ADARB2: variants seen among roughly 807,000 people sequenced by gnomAD.
The protein encoded by ADARB2 is adenosine deaminase RNA specific B2 (inactive).
ADARB2 carries 25 observed loss-of-function variants against 62.2 expected under a neutral mutation model. The observed-to-expected ratio is 0.40, with a 90% CI of 0.29 to 0.56. The LOEUF is 0.56. ADARB2 is among the 20% of genes least tolerant of loss of function. The pLI is 0.43. For synonymous variants in ADARB2, 572 were observed against 500.8 expected, an observed-to-expected ratio of 1.14 and a Z score of -1.90; for missense variants, 1,071 against 1,077.4, an observed-to-expected ratio of 0.99 and a Z score of 0.08.
intron 1 of ADARB2, among the ~76,000 whole-genome samples, chr10:1,460,008 G>GTGTAA (rs1491341697): frequency 2.1e-5 from 2 of 93,948 alleles, no homozygotes; most frequent in African/African-American, 3.6e-5. Flanking sequence ...GAGTTTACCT[G>GTGTAA]CGTAACAAAC....
chr10:1,429,724 A>C (rs994283819), intron 1 of ADARB2, among the ~76,000 whole-genome samples: 4 of 152,234 alleles, frequency 2.6e-5, no homozygotes, highest in Non-Finnish European at 5.9e-5. Flanking sequence ...ATACTTATTA[A>C]GACAGTCACT....
intron 3 of ADARB2, among the ~76,000 whole-genome samples, chr10:1,319,771 T>G (rs954668967): frequency 6.6e-6 from 1 of 152,242 alleles, no homozygotes; most frequent in Non-Finnish European, 1.5e-5. Flanking sequence ...TCCTGGAACA[T>G]GACTTCTGGG....
chr10:1,326,951 A>C (rs71494950), intron 3 of ADARB2, among the ~76,000 whole-genome samples: 499 of 16,532 alleles, frequency 0.03, 14 homozygotes, highest in African/African-American at 0.05. Context: ...TCCCCACGGC[A>C]CAGCGCCTCC....
At chr10:1,333,228 T>A (rs893961266) in intron 3 of ADARB2, among the ~76,000 whole-genome samples, 2 of 152,370 alleles carry the variant, frequency 1.3e-5, no homozygotes, top group South Asian at 2.1e-4. Context: ...ATTGCTTAGT[T>A]TGGAGTCATC....
chr10:1,228,837 C>T (rs1477400492), intron 6 of ADARB2, among the ~76,000 whole-genome samples: 1 of 152,232 alleles, frequency 6.6e-6, no homozygotes, highest in African/African-American at 2.4e-5. Flanking sequence ...GGCTACCAGG[C>T]CGTCCATGCC....
chr10:1,657,947 CTG>C, intron 1 of ADARB2, among the ~76,000 whole-genome samples: 1 of 80,144 alleles, frequency 1.2e-5, no homozygotes, highest in Middle Eastern at 5.4e-3. Flanking sequence ...ATCTGATTCT[CTG>C]TCTGTGTCTG....
At chr10:1,518,690 A>G (rs879455114) in intron 1 of ADARB2, among the ~76,000 whole-genome samples, 81 of 151,318 alleles carry the variant, frequency 5.4e-4, no homozygotes, top group Non-Finnish European at 7.4e-4. Context: ...GTCTGTACAC[A>G]AAGTGGTCAT....
chr10:1,615,525 C>T (rs1833620706), intron 1 of ADARB2, among the ~76,000 whole-genome samples: 1 of 152,234 alleles, frequency 6.6e-6, no homozygotes, highest in South Asian at 2.1e-4. Flanking sequence ...GTGTGTCTTA[C>T]ACCAAGTCCG....
chr10:1,513,884 TA>T (rs1831970868), intron 1 of ADARB2, among the ~76,000 whole-genome samples: 1 of 152,192 alleles, frequency 6.6e-6, no homozygotes, highest in Non-Finnish European at 1.5e-5. Context: ...CTGTTCTATC[TA>T]AAACACTTAA....
chr10:1,508,636 G>A (rs1272941995), intron 1 of ADARB2, among the ~76,000 whole-genome samples: 4 of 152,168 alleles, frequency 2.6e-5, no homozygotes, highest in Admixed American at 2.0e-4. Flanking sequence ...AAAATTAGCC[G>A]GATGTGGTGG....
intron 1 of ADARB2, among the ~76,000 whole-genome samples, chr10:1,648,823 G>T (rs558177778): frequency 2.1e-4 from 32 of 152,238 alleles, no homozygotes; most frequent in South Asian, 4.2e-4. Context: ...ATCTTCCATG[G>T]GGTAGGCCAT....
intron 1 of ADARB2, among the ~76,000 whole-genome samples, chr10:1,417,490 G>A (rs34041450): frequency 0.17 from 25,709 of 152,146 alleles, 3,249 homozygotes; most frequent in East Asian, 0.62. Context: ...GAAGGGTTGT[G>A]GAAGGATGGA....
chr10:1,447,520 T>C (rs1377880519), intron 1 of ADARB2, among the ~76,000 whole-genome samples: 1 of 152,132 alleles, frequency 6.6e-6, no homozygotes, highest in Non-Finnish European at 1.5e-5. Flanking sequence ...AGCTTCTGCA[T>C]TTTTGAGTGA....
chr10:1,691,670 C>G (rs1370671919), intron 1 of ADARB2, among the ~76,000 whole-genome samples: 1 of 152,188 alleles, frequency 6.6e-6, no homozygotes, highest in Non-Finnish European at 1.5e-5. Flanking sequence ...CTCCTAGAAT[C>G]ATTTCAGGCC....
In ADARB2 at chr10:1,469,339, G is replaced by C. The variant is rs189385314; in HGVS notation, c.101-90179C>G. The stretch of plus-strand genomic sequence containing the variant: ...TGATACTTAGGAGTCACATCTCTAA[G>C]TCCACCGTCTTTATTCTCTTCCCTA... On this transcript the variant is annotated intron_variant, in intron 1 of 9. Coordinates refer to ENST00000381312, the MANE Select transcript of ADARB2 (RefSeq NM_018702.4). Among the ~76,000 whole-genome samples, 5 of 152,282 alleles carry C rather than the reference G, an allele frequency of 3.3e-5. No homozygotes were observed. In the East Asian group the frequency reaches 5.8e-4, roughly 18 times the overall value.
chr10:1,638,506 G>GCT (rs1554777400), intron 1 of ADARB2, among the ~76,000 whole-genome samples: 1 of 148,626 alleles, frequency 6.7e-6, no homozygotes, highest in Non-Finnish European at 1.5e-5. Flanking sequence ...CTTTCATGAG[G>GCT]TTTTTTTTTT....
rs77441107 is a variant in ADARB2, at chr10:1,352,950, C to G, written c.1077+10078G>C. Among the ~76,000 whole-genome samples the G allele has an allele frequency of 4.6e-5, 7 of 152,274 alleles. No individual in the cohort carries two copies. In the South Asian group the frequency reaches 1.2e-3, roughly 27 times the overall value. ...GATGGCAGTTCCACCAGGCCTAATC[C>G]CCACACACCAGGAAAGGCAGGCTAT... is the stretch of plus-strand genomic sequence containing the variant. On this transcript the variant is annotated intron_variant, in intron 3 of 9. Transcript: ENST00000381312.
At position 1,300,662 on chromosome 10, in the gene ADARB2, C is replaced by T. The variant is rs181680092; in HGVS notation, c.1078-29593G>A. ...GTATCTTCCTCATTTTAAAATTCCT[C>T]GTGGGCTTCATAGATGCTCAGTAAA... On this transcript the variant is annotated intron_variant, in intron 3 of 9. Transcript: ENST00000381312. Among the ~76,000 whole-genome samples the T allele has an allele frequency of 9.2e-5, 14 of 152,336 alleles. No individual in the cohort carries two copies. In the East Asian group the frequency reaches 9.6e-4, roughly 10 times the overall value.
In ADARB2 at chr10:1,736,973, C is replaced by T. The variant is rs543652914; in HGVS notation, c.100+78G>A. ...TGAAGCTGCTCACAACGGACAAGCC[C>T]GGAGACCCCATGAGAGGCCGGGGTG... On this transcript the variant is annotated intron_variant, in intron 1 of 9. Transcript: ENST00000381312. The T allele has an allele frequency of 1.0e-4, 151 of 1,454,740 alleles. No individual in the cohort carries two copies. The African/African-American group carries it at 1.7e-3, about 17-fold the overall frequency. The allele number at this position is 1,454,740 out of a possible 1,614,324, so 90.1% of individuals were successfully genotyped here. A position where few individuals can be genotyped will look rare whatever the true frequency, so the allele number is the denominator to read the frequency against.
Sources: allele counts gnomAD v4.1 joint callset (sites outside exome capture counted in the v4.1 genomes callset), GRCh38; gene constraint gnomAD v4.1.1; transcripts MANE v1.5; gene names NCBI Gene and HGNC (gene_info 2026-07-23, HGNC 2026-07-21).